Variants in GLYATL3 observed in about 807,000 individuals in gnomAD.
The protein encoded by GLYATL3 is glycine-N-acyltransferase like 3, also known as glycine N-acyltransferase-like protein 3.
Under a neutral mutation model 28.5 loss-of-function variants are expected in GLYATL3, and 31 were observed. The ratio of observed to expected loss-of-function variants is 1.09; its 90% CI spans 0.82 to 1.47. The LOEUF (loss-of-function observed/expected upper bound fraction) is 1.47, where lower values mean the gene tolerates loss of function less well. Ranked by LOEUF, GLYATL3 falls within the 40% of genes most tolerant of loss-of-function variation. The pLI, the probability that GLYATL3 is intolerant of heterozygous loss-of-function variation, is 0.00. For missense variants in GLYATL3, 369 were observed against 351.5 expected, an observed-to-expected ratio of 1.05 and a Z score of -0.40; for synonymous variants, 141 against 140.2, an observed-to-expected ratio of 1.01 and a Z score of -0.04.
At chr6:49,522,519 A>G (rs1388811966) in intron 5 of GLYATL3, among the ~76,000 whole-genome samples, 4 of 152,182 alleles carry the variant, frequency 2.6e-5, no homozygotes, top group South Asian at 2.1e-4. Context: ...TAATAATTGT[A>G]CACATTCATG....
rs9367359 is a variant in GLYATL3 at position 49,526,528 on chromosome 6, A to T, written c.481A>T (p.Asn161Tyr). 4 of 1,551,458 alleles carry T rather than the reference A, an allele frequency of 2.6e-6. No homozygotes were observed. Among genetic ancestry groups the T allele is most frequent in the Non-Finnish European group, 3.5e-6 (4 of 1,146,914 alleles). Residue 161 changes from asparagine to tyrosine, a missense_variant, in exon 6 of 6, where the codon AAT becomes TAT. By Grantham distance (143) the Asn-to-Tyr change is moderately radical. Transcript: ENST00000371197. ...SPRLTYLSVA[N>Y]ADLLNRTWSR... ...ACGACTAACCTACCTGAGTGTTGCC[A>T]ATGCGGATCTACTCAACCGGACTTG...
At chr6:49,522,483 A>C (rs1227177570) in intron 5 of GLYATL3, among the ~76,000 whole-genome samples, 1 of 152,190 alleles carries the variant, frequency 6.6e-6, no homozygotes, top group Non-Finnish European at 1.5e-5. Flanking sequence ...GTGTTTTTTA[A>C]ATTAATATCA....
intron 4 of GLYATL3, among the ~76,000 whole-genome samples, chr6:49,518,313 G>C (rs1335007886): frequency 1.3e-5 from 2 of 152,212 alleles, no homozygotes; most frequent in Non-Finnish European, 2.9e-5. Flanking sequence ...GCTTGGGGCA[G>C]AACTTTATGC....
At chr6:49,508,025 T>C (rs1769045045) in intron 1 of GLYATL3, among the ~76,000 whole-genome samples, 1 of 152,120 alleles carries the variant, frequency 6.6e-6, no homozygotes, top group Non-Finnish European at 1.5e-5. Flanking sequence ...GCATCAGTAA[T>C]TTCTAACAGA....
chr6:49,505,439 T>A (rs1422332858), intron 1 of GLYATL3, among the ~76,000 whole-genome samples: 1 of 152,104 alleles, frequency 6.6e-6, no homozygotes, highest in East Asian at 1.9e-4. Context: ...GTGTATGGAG[T>A]AGAAATGACT....
At chr6:49,517,788 G>C (rs1415060442) in intron 4 of GLYATL3, among the ~76,000 whole-genome samples, 1 of 152,136 alleles carries the variant, frequency 6.6e-6, no homozygotes, top group Non-Finnish European at 1.5e-5. Context: ...AGGGTAAAAA[G>C]AGACCATTTA....
intron 5 of GLYATL3, 66 bp from the exon 6 acceptor site, chr6:49,526,422 A>T: frequency 3.6e-6 from 5 of 1,373,366 alleles, no homozygotes; most frequent in East Asian, 2.5e-5. Context: ...CGAAAAAAAA[A>T]ATGTGTAGTT....
At chr6:49,508,564 T>A (rs1769057647) in intron 1 of GLYATL3, among the ~76,000 whole-genome samples, 1 of 152,148 alleles carries the variant, frequency 6.6e-6, no homozygotes, top group African/African-American at 2.4e-5. Flanking sequence ...GTGCCCCTCA[T>A]GCATCCGTTT....
chr6:49,507,870 G>A lies in GLYATL3; in HGVS notation c.-28-4093G>A, dbSNP rs186229608. Among the ~76,000 whole-genome samples the A allele has an allele frequency of 7.5e-4, 114 of 152,304 alleles. 1 individual carries two copies. Among genetic ancestry groups the A allele is most frequent in the African/African-American group, 2.6e-3 (110 of 41,562 alleles). On this transcript the variant is annotated intron_variant, in intron 1 of 5. Transcript: ENST00000371197. The stretch of plus-strand genomic sequence containing the variant: ...ATACCAGCATTTCTTATTAAGTTTA[G>A]TGAGGGCGGGGGTAGGTTAGTGAGG...
intron 1 of GLYATL3, among the ~76,000 whole-genome samples, chr6:49,501,747 C>A (rs565158907): frequency 6.6e-6 from 1 of 152,278 alleles, no homozygotes; most frequent in East Asian, 1.9e-4. Context: ...CAGAAATCCT[C>A]AGAAGGAAAT....
intron 2 of GLYATL3, among the ~76,000 whole-genome samples, chr6:49,513,275 G>T (rs950410428): frequency 2.0e-5 from 3 of 152,040 alleles, no homozygotes; most frequent in African/African-American, 4.8e-5. Context: ...TCCTTCCAAA[G>T]TTCCTTCATA....
intron 5 of GLYATL3, 109 bp from the exon 6 acceptor site, chr6:49,526,379 C>T: frequency 1.1e-6 from 1 of 937,660 alleles, no homozygotes; most frequent in Non-Finnish European, 1.6e-6. Context: ...CGCCACTGCA[C>T]TCCAGCCTGG....
In GLYATL3 at chr6:49,521,042, A is replaced by G. The variant is rs1769302847; in HGVS notation, c.314-603A>G. On this transcript the variant is annotated intron_variant, in intron 4 of 5. Coordinates refer to ENST00000371197, the MANE Select transcript of GLYATL3 (RefSeq NM_001010904.2). ...AAATAAAATAAAGAAAAGAAACCAT[A>G]CCATTTTTGTGTACCACTATGAACA... 2.0e-5 allele frequency among the ~76,000 whole-genome samples: 3 copies of G among 152,150 alleles called. No homozygotes were observed. The South Asian group carries it at 6.2e-4, about 32-fold the overall frequency.
intron 4 of GLYATL3, 128 bp from the exon 5 acceptor site, chr6:49,521,517 G>T: frequency 2.8e-6 from 2 of 711,488 alleles, no homozygotes; most frequent in Non-Finnish European, 2.3e-6. Flanking sequence ...GTATACAGTG[G>T]TTAGGATAAT....
chr6:49,500,885 T>C (rs929207709), intron 1 of GLYATL3, among the ~76,000 whole-genome samples: 3 of 152,184 alleles, frequency 2.0e-5, no homozygotes, highest in Admixed American at 6.5e-5. Context: ...TGCTCTACCT[T>C]GTGGCATTAA....
chr6:49,501,361 G>T (rs1768910541), intron 1 of GLYATL3, among the ~76,000 whole-genome samples: 1 of 152,294 alleles, frequency 6.6e-6, no homozygotes, highest in East Asian at 1.9e-4. Flanking sequence ...AGAAATAAGA[G>T]ACTCACACAA....
At chr6:49,516,395 T>C (rs1769215574) in intron 3 of GLYATL3, among the ~76,000 whole-genome samples, 1 of 152,120 alleles carries the variant, frequency 6.6e-6, no homozygotes, top group African/African-American at 2.4e-5. Flanking sequence ...TACTAGCTTT[T>C]TCCCTGGGTG....
At chr6:49,520,516 C>A (rs951890150) in intron 4 of GLYATL3, among the ~76,000 whole-genome samples, 2 of 152,202 alleles carry the variant, frequency 1.3e-5, no homozygotes, top group Admixed American at 1.3e-4. Context: ...GTTCAATACA[C>A]CTTCCCACTC....
In GLYATL3 at chr6:49,517,514, G is replaced by T. The variant is rs186838302; in HGVS notation, c.271G>T (p.Glu91Ter). 6.4e-7 allele frequency: 1 copy of T among 1,551,096 alleles called. No homozygotes were observed. Among genetic ancestry groups the T allele is most frequent in the Admixed American group, 2.0e-5 (1 of 50,906 alleles). The change falls in exon 4 of 6, where the codon GAA (glutamate) becomes TAA (stop). Residue 91 changes from glutamate (E) to a stop codon, truncating the protein, a stop_gained. Transcript: ENST00000371197. LOFTEE classifies it high-confidence loss of function. ...CAGGGCTTATCGACAGCTATTGGAA[G>T]AATGTGATGTTTTTAACTGGGACCA... ...DVRAYRQLLE[E>*]CDVFNWDQVF... is the part of the protein sequence containing the mutation.
Sources: allele counts gnomAD v4.1 joint callset (sites outside exome capture counted in the v4.1 genomes callset), GRCh38; gene constraint gnomAD v4.1.1; transcripts MANE v1.5; gene names NCBI Gene and HGNC (gene_info 2026-07-23, HGNC 2026-07-21).